RASGEF1A: variants seen among roughly 807,000 people sequenced by gnomAD.
RASGEF1A encodes ras-GEF domain-containing family member 1A.
RASGEF1A carries 18 observed loss-of-function variants against 56.4 expected under a neutral mutation model. The ratio of observed to expected loss-of-function variants is 0.32; its 90% CI spans 0.22 to 0.47. The LOEUF (loss-of-function observed/expected upper bound fraction) is 0.47, where lower values mean the gene tolerates loss of function less well. Ranked by LOEUF, RASGEF1A falls within the 20% of genes least tolerant of loss-of-function variation. The pLI is 1.00. For missense variants in RASGEF1A, 422 were observed against 627.1 expected, an observed-to-expected ratio of 0.67 and a Z score of 3.49; for synonymous variants, 245 against 242.6, an observed-to-expected ratio of 1.01 and a Z score of -0.09.
chr10:43,256,806 C>T (rs558117706), intron 1 of RASGEF1A, among the ~76,000 whole-genome samples: 3 of 152,250 alleles, frequency 2.0e-5, no homozygotes, highest in East Asian at 1.9e-4. Flanking sequence ...CTCTGTTCCC[C>T]GACTTTCTTG....
At chr10:43,238,109 G>A (rs1323989300) in intron 1 of RASGEF1A, among the ~76,000 whole-genome samples, 12 of 149,076 alleles carry the variant, frequency 8.0e-5, no homozygotes, top group South Asian at 2.2e-4. Flanking sequence ...AGGGAGGGGG[G>A]GTGCTGCAGA....
chr10:43,265,724 A>G (rs921356075), intron 1 of RASGEF1A, among the ~76,000 whole-genome samples: 3 of 152,250 alleles, frequency 2.0e-5, no homozygotes, highest in Non-Finnish European at 4.4e-5. Context: ...TCACGAATCA[A>G]GACCTGTAGC....
chr10:43,229,233 G>A (rs1588942554), intron 1 of RASGEF1A, among the ~76,000 whole-genome samples: 3 of 152,154 alleles, frequency 2.0e-5, no homozygotes, highest in Admixed American at 6.5e-5. Context: ...AAGCGCGCCC[G>A]CGCTTCCGCA....
At chr10:43,225,576 G>T (rs373820610) in intron 1 of RASGEF1A, among the ~76,000 whole-genome samples, 1 of 146,086 alleles carries the variant, frequency 6.8e-6, no homozygotes, top group East Asian at 2.0e-4. Flanking sequence ...TCTGTGTATG[G>T]GTGTGTGTGT....
intron 1 of RASGEF1A, among the ~76,000 whole-genome samples, chr10:43,256,544 T>C (rs1836409775): frequency 6.6e-6 from 1 of 152,076 alleles, no homozygotes; most frequent in Admixed American, 6.5e-5. Flanking sequence ...CAGAGTGGCC[T>C]CTCCAGGATC....
intron 1 of RASGEF1A, among the ~76,000 whole-genome samples, chr10:43,247,505 C>T (rs879878193): frequency 1.1e-4 from 16 of 152,190 alleles, no homozygotes; most frequent in Non-Finnish European, 2.2e-4. Flanking sequence ...GTGGAAACAA[C>T]CCAAATATCC....
chr10:43,206,024 G>A lies in RASGEF1A; in HGVS notation c.93C>T (p.Ala31=), dbSNP rs753013867. 6.8e-6 allele frequency: 11 copies of A among 1,608,334 alleles called. No homozygotes were observed. The highest frequency in any genetic ancestry group is 4.5e-5 in the East Asian group (2 of 44,746). ...QPGMGERGGG[A]GGGSGDLIFQ... Reference sequence around the variant, plus strand: ...AGATGAGGTCCCCGGAGCCGCCACCGGCCCCGCCTCCACGCTCCCCCATGC... The same window carrying A: ...AGATGAGGTCCCCGGAGCCGCCACCAGCCCCGCCTCCACGCTCCCCCATGC... The change falls in exon 2 of 13, where the codon GCC becomes GCT. Residue 31 remains alanine, a synonymous_variant. Transcript: ENST00000395810.
At chr10:43,216,956 C>A (rs981683823) in intron 1 of RASGEF1A, among the ~76,000 whole-genome samples, 1 of 152,184 alleles carries the variant, frequency 6.6e-6, no homozygotes, top group Non-Finnish European at 1.5e-5. Context: ...CCCTTCCCAT[C>A]TTACACACCC....
intron 1 of RASGEF1A, among the ~76,000 whole-genome samples, chr10:43,266,281 C>A (rs1836621245): frequency 6.6e-6 from 1 of 152,178 alleles, no homozygotes; most frequent in Non-Finnish European, 1.5e-5. Flanking sequence ...CTTCAAATGA[C>A]CCTTGCCCAG....
At chr10:43,228,070 TCC>T in intron 1 of RASGEF1A, among the ~76,000 whole-genome samples, 1 of 151,862 alleles carries the variant, frequency 6.6e-6, no homozygotes, top group Non-Finnish European at 1.5e-5. Flanking sequence ...CTCCACCACC[TCC>T]CACTGCAGCC....
At chr10:43,235,798 C>G (rs1212443474) in intron 1 of RASGEF1A, among the ~76,000 whole-genome samples, 1 of 152,170 alleles carries the variant, frequency 6.6e-6, no homozygotes, top group Non-Finnish European at 1.5e-5. Flanking sequence ...GATGGGGACA[C>G]AGCATCATGC....
At chr10:43,225,376 T>C (rs1758274872) in intron 1 of RASGEF1A, among the ~76,000 whole-genome samples, 1 of 151,674 alleles carries the variant, frequency 6.6e-6, no homozygotes, top group African/African-American at 2.4e-5. Flanking sequence ...TACGTCTGTG[T>C]CTCTGCATGT....
intron 1 of RASGEF1A, among the ~76,000 whole-genome samples, chr10:43,264,677 G>A (rs1836592907): frequency 6.6e-6 from 1 of 151,176 alleles, no homozygotes; most frequent in African/African-American, 2.4e-5. Flanking sequence ...TCAAGGGGCA[G>A]CAGGGAGGGG....
chr10:43,245,878 T>G (rs1398663221), intron 1 of RASGEF1A, among the ~76,000 whole-genome samples: 1 of 152,194 alleles, frequency 6.6e-6, no homozygotes, highest in Non-Finnish European at 1.5e-5. Flanking sequence ...TCTTGCCTCT[T>G]CTATTTAACA....
chr10:43,200,317 C>T (rs2133180735), intron 5 of RASGEF1A, 61 bp from the exon 6 acceptor site: 1 of 1,424,188 alleles, frequency 7.0e-7, no homozygotes, highest in South Asian at 1.2e-5. Context: ...GACAGCACTG[C>T]ATAGGCATGC....
intron 1 of RASGEF1A, among the ~76,000 whole-genome samples, chr10:43,212,477 G>A (rs1305642022): frequency 6.6e-6 from 1 of 152,178 alleles, no homozygotes; most frequent in Non-Finnish European, 1.5e-5. Flanking sequence ...GAGAGGCCAG[G>A]AGCCTGCATC....
At chr10:43,257,906 G>A (rs144132494) in intron 1 of RASGEF1A, among the ~76,000 whole-genome samples, 2,353 of 152,362 alleles carry the variant, frequency 0.015, 24 homozygotes, top group Middle Eastern at 0.048. Flanking sequence ...TGCTCTGGCC[G>A]AGGCAGACAG....
intron 1 of RASGEF1A, among the ~76,000 whole-genome samples, chr10:43,238,893 A>T (rs557326887): frequency 1.3e-5 from 2 of 152,364 alleles, no homozygotes; most frequent in South Asian, 4.1e-4. Flanking sequence ...CGAATACACA[A>T]GTCTGCACGT....
At chr10:43,250,709 C>T (rs1458583481) in intron 1 of RASGEF1A, among the ~76,000 whole-genome samples, 1 of 152,222 alleles carries the variant, frequency 6.6e-6, no homozygotes, top group Admixed American at 6.5e-5. Context: ...TTGCTTACAT[C>T]TGCCCCTCAC....
Sources: gnomAD v4.1 joint callset for allele counts (sites outside exome capture counted in the v4.1 genomes callset) on GRCh38, gnomAD v4.1.1 for gene constraint, MANE v1.5 for transcripts, NCBI Gene and HGNC (gene_info 2026-07-23, HGNC 2026-07-21) for gene names.